Variants in MYO1E observed in about 807,000 individuals in gnomAD.
The protein encoded by MYO1E is myosin IE.
MYO1E carries 68 observed loss-of-function variants against 151.1 expected under a neutral mutation model. The ratio of observed to expected loss-of-function variants is 0.45; its 90% confidence interval spans 0.37 to 0.55. The LOEUF is 0.55. Ranked by LOEUF, MYO1E falls within the 20% of genes least tolerant of loss-of-function variation. The pLI is 0.00. For synonymous variants in MYO1E, 601 were observed against 501.7 expected (o/e 1.20, Z -2.64); for missense variants, 1,363 against 1,389.3 (o/e 0.98, Z 0.30).
intron 1 of MYO1E, among the ~76,000 whole-genome samples, chr15:59,337,688 C>T (rs553016112): frequency 9.9e-5 from 15 of 152,174 alleles, no homozygotes; most frequent in Non-Finnish European, 1.5e-4. Flanking sequence ...AAAAATTAGC[C>T]GGGCGTGGTG....
Position 59,372,668 on chromosome 15 carries a change from C to T in MYO1E, c.-168G>A, listed in dbSNP as rs2080955239. The T allele has an allele frequency of 2.4e-6, 2 of 832,928 alleles. No individual in the cohort carries two copies. Among genetic ancestry groups the T allele is most frequent in the African/African-American group, 1.8e-5 (1 of 56,468 alleles). 51.6% of individuals were successfully genotyped at this position (832,928 alleles called of 1,614,324 possible). ...ATGGGAACCCAGAGGGGACTCCATCCAGGCGGGATTGGCGGTGCTAGGTGA... is the reference window on the plus strand; with the variant it reads ...ATGGGAACCCAGAGGGGACTCCATCTAGGCGGGATTGGCGGTGCTAGGTGA... On this transcript the variant is annotated 5_prime_UTR_variant, in exon 1 of 28. Transcript: ENST00000288235.
At chr15:59,192,759 C>T (rs1430893020) in intron 17 of MYO1E, among the ~76,000 whole-genome samples, 4 of 152,130 alleles carry the variant, frequency 2.6e-5, no homozygotes, top group Non-Finnish European at 5.9e-5. Context: ...TGGTTTATTT[C>T]TAAGGTTGAC....
At chr15:59,329,428 A>G (rs1380005977) in intron 1 of MYO1E, among the ~76,000 whole-genome samples, 1 of 152,204 alleles carries the variant, frequency 6.6e-6, no homozygotes, top group Admixed American at 6.5e-5. Flanking sequence ...TAGGTACCCA[A>G]TAGCAATCCT....
intron 22 of MYO1E, among the ~76,000 whole-genome samples, chr15:59,166,211 A>T (rs2079562034): frequency 6.6e-6 from 1 of 152,218 alleles, no homozygotes; most frequent in African/African-American, 2.4e-5. Flanking sequence ...CACCCAGGCC[A>T]GGGTCTCAGC....
At chr15:59,169,021 C>T (rs1487076959) in intron 22 of MYO1E, among the ~76,000 whole-genome samples, 1 of 152,182 alleles carries the variant, frequency 6.6e-6, no homozygotes, top group Non-Finnish European at 1.5e-5. Context: ...CAGAAATAAA[C>T]AATAAATTCT....
intron 1 of MYO1E, among the ~76,000 whole-genome samples, chr15:59,338,591 G>A (rs2140427509): frequency 6.6e-6 from 1 of 152,302 alleles, no homozygotes; most frequent in South Asian, 2.1e-4. Context: ...GCTCTCAGGA[G>A]TATTGGGGCT....
intron 22 of MYO1E, among the ~76,000 whole-genome samples, chr15:59,165,013 C>A (rs1231630623): frequency 6.6e-6 from 1 of 152,188 alleles, no homozygotes; most frequent in Non-Finnish European, 1.5e-5. Flanking sequence ...GAGGACACAA[C>A]AAGAGGCGCC....
rs1466182090 is a variant in MYO1E at position 59,224,799 on chromosome 15, G to C, written c.667C>G (p.Gln223Glu). ...YQLIEGASAEQKHSLGITSMD... is the reference protein window; with the variant it reads ...YQLIEGASAEEKHSLGITSMD... ...CTGGTGATGCCAAGGCTGTGTTTCT[G>C]CTCTGCAGAGGCGCCCTCGATGAGC... Residue 223 changes from glutamine to glutamate, a missense_variant, in exon 8 of 28, where the codon CAG becomes GAG. Coordinates refer to ENST00000288235, the MANE Select transcript of MYO1E (RefSeq NM_004998.4). 4 of 1,614,108 alleles carry C rather than the reference G, an allele frequency of 2.5e-6. No individual in the cohort carries two copies. Among genetic ancestry groups the C allele is most frequent in the Non-Finnish European group, 3.4e-6 (4 of 1,180,038 alleles).
At chr15:59,345,210 AACAGATCAG>A (rs2080787218) in intron 1 of MYO1E, among the ~76,000 whole-genome samples, 2 of 152,236 alleles carry the variant, frequency 1.3e-5, no homozygotes, top group South Asian at 4.1e-4. Flanking sequence ...CAGAATGGCT[AACAGATCAG>A]ACAGGCAGTT....
rs988416040 is a variant in MYO1E at position 59,261,600 on chromosome 15, G to A, written c.148-91C>T. 4 of 860,460 alleles carry A rather than the reference G, an allele frequency of 4.6e-6. No homozygotes were observed. The African/African-American group carries it at 6.6e-5, about 14-fold the overall frequency. The allele number at this position is 860,460 out of a possible 1,614,324, so 53.3% of individuals were successfully genotyped here. ...CCAGATGTTATCAAGAATTCACAAT[G>A]ACTGTCCAAGTGGAAAGTTTGTGTA... On this transcript the variant is annotated intron_variant, in intron 2 of 27. Coordinates refer to ENST00000288235, the MANE Select transcript of MYO1E (RefSeq NM_004998.4).
chr15:59,310,093 G>C (rs1270586938), intron 1 of MYO1E, among the ~76,000 whole-genome samples: 2 of 152,062 alleles, frequency 1.3e-5, no homozygotes, highest in Non-Finnish European at 2.9e-5. Context: ...TGCTGCTTAG[G>C]TCCTGTGCAC....
chr15:59,358,505 G>A (rs1164949518), intron 1 of MYO1E, among the ~76,000 whole-genome samples: 4 of 152,036 alleles, frequency 2.6e-5, no homozygotes, highest in African/African-American at 9.7e-5. Flanking sequence ...AGAGCTAGAA[G>A]GAAAAGGCCA....
At chr15:59,223,266 A>G (rs2079967650) in intron 8 of MYO1E, 75 bp from the exon 9 acceptor site, 3 of 1,572,016 alleles carry the variant, frequency 1.9e-6, no homozygotes, top group Admixed American at 3.3e-5. Flanking sequence ...AAGCCAAGGC[A>G]CAGCAGCTGC....
At chr15:59,208,947 T>C in intron 13 of MYO1E, 99 bp from the exon 14 acceptor site, 1 of 1,391,162 alleles carries the variant, frequency 7.2e-7, no homozygotes, top group Non-Finnish European at 1.0e-6. Context: ...CTCCCCAGAC[T>C]TAAGATACCA....
chr15:59,312,697 C>T (rs553252193), intron 1 of MYO1E, among the ~76,000 whole-genome samples: 1 of 152,134 alleles, frequency 6.6e-6, no homozygotes, highest in South Asian at 2.1e-4. Flanking sequence ...AAACCAGCAG[C>T]ATCAGCAACA....
intron 1 of MYO1E, among the ~76,000 whole-genome samples, chr15:59,307,641 G>A (rs902790934): frequency 2.0e-5 from 3 of 151,898 alleles, no homozygotes; most frequent in South Asian, 2.1e-4. Flanking sequence ...ACGGAGTTTC[G>A]CTCTTGTTGC....
chr15:59,349,726 A>G (rs1340841656), intron 1 of MYO1E, among the ~76,000 whole-genome samples: 1 of 152,208 alleles, frequency 6.6e-6, no homozygotes, highest in Non-Finnish European at 1.5e-5. Flanking sequence ...AGGAGATATG[A>G]AAGTTTGAGG....
At chr15:59,197,068 T>C (rs536525717) in intron 16 of MYO1E, among the ~76,000 whole-genome samples, 47 of 137,666 alleles carry the variant, frequency 3.4e-4, no homozygotes, top group African/African-American at 1.1e-3. Flanking sequence ...TCTCTGCTCA[T>C]TGCAACCTCT....
chr15:59,195,360 G>A, intron 17 of MYO1E, 101 bp downstream of exon 17: 2 of 1,021,058 alleles, frequency 2.0e-6, no homozygotes, highest in Non-Finnish European at 3.1e-6. Flanking sequence ...ACAAAGACAT[G>A]TGCGGACAAC....
Sources: allele counts gnomAD v4.1 joint callset (sites outside exome capture counted in the v4.1 genomes callset), GRCh38; gene constraint gnomAD v4.1.1; transcripts MANE v1.5; gene names NCBI Gene and HGNC (gene_info 2026-07-23, HGNC 2026-07-21).